ANKS1B: variants seen among roughly 807,000 people sequenced by gnomAD.
The protein encoded by ANKS1B is ankyrin repeat and sterile alpha motif domain containing 1B.
Under a neutral mutation model 148.3 loss-of-function variants are expected in ANKS1B, and 36 were observed. The observed-to-expected ratio is 0.24, with a 90% CI of 0.19 to 0.32. ANKS1B has a LOEUF of 0.32. Ranked by LOEUF, ANKS1B falls within the 10% of genes least tolerant of loss-of-function variation. The pLI is 1.00. For missense variants in ANKS1B, 1,157 were observed against 1,542.6 expected, an observed-to-expected ratio of 0.75 and a Z score of 4.19; for synonymous variants, 542 against 560.8, an observed-to-expected ratio of 0.97 and a Z score of 0.47.
Position 99,318,618 on chromosome 12 carries a change from C to A in ANKS1B, c.1757-71754G>T, listed in dbSNP as rs572866930. ...TAATTTTGTTGATCTTTTCAAAAAA[C>A]CAGCTCCTGGATTCATTGATTTTTT... On this transcript the variant is annotated intron_variant, in intron 12 of 26. Coordinates refer to ENST00000683438, the MANE Select transcript of ANKS1B (RefSeq NM_001352186.2). Among the ~76,000 whole-genome samples the A allele has an allele frequency of 1.4e-4, 22 of 152,206 alleles. 1 individual carries two copies. In the East Asian group the frequency reaches 3.7e-3, roughly 25 times the overall value.
intron 17 of ANKS1B, among the ~76,000 whole-genome samples, chr12:99,033,663 C>CA (rs771304039): frequency 0.039 from 5,437 of 141,176 alleles, 328 homozygotes; most frequent in African/African-American, 0.13. Context: ...GACTCCATCT[C>CA]AAAAAAAAAA....
At chr12:99,605,919 C>T (rs1001772341) in intron 9 of ANKS1B, among the ~76,000 whole-genome samples, 2 of 151,976 alleles carry the variant, frequency 1.3e-5, no homozygotes, top group African/African-American at 4.8e-5. Flanking sequence ...ATGCCAATTT[C>T]CCTAGTGGTT....
intron 9 of ANKS1B, among the ~76,000 whole-genome samples, chr12:99,525,680 T>C (rs2096920253): frequency 6.6e-6 from 1 of 152,186 alleles, no homozygotes; most frequent in Non-Finnish European, 1.5e-5. Context: ...CTTGAATTAC[T>C]ACTGCATTCC....
chr12:99,850,001 G>T (rs1398489996), intron 1 of ANKS1B, among the ~76,000 whole-genome samples: 2 of 152,046 alleles, frequency 1.3e-5, no homozygotes, highest in Middle Eastern at 3.4e-3. Context: ...CTTAATAGCT[G>T]GAATGTGACT....
At chr12:99,548,586 T>C (rs1020523858) in intron 9 of ANKS1B, among the ~76,000 whole-genome samples, 3 of 152,034 alleles carry the variant, frequency 2.0e-5, no homozygotes, top group Admixed American at 6.6e-5. Context: ...AAAATGTAAA[T>C]CTTCTTGGAG....
intron 12 of ANKS1B, among the ~76,000 whole-genome samples, chr12:99,319,494 CCTG>C (rs1188102456): frequency 6.6e-6 from 1 of 152,106 alleles, no homozygotes; most frequent in Non-Finnish European, 1.5e-5. Context: ...GACTGCAACC[CCTG>C]CTTTTTTGTT....
intron 17 of ANKS1B, among the ~76,000 whole-genome samples, chr12:98,935,240 T>C (rs903367361): frequency 6.6e-6 from 1 of 152,228 alleles, no homozygotes; most frequent in African/African-American, 2.4e-5. Flanking sequence ...GAGATGATCA[T>C]ATGATTTTTA....
chr12:99,003,932 C>G (rs144791429), intron 17 of ANKS1B, among the ~76,000 whole-genome samples: 2 of 152,166 alleles, frequency 1.3e-5, no homozygotes, highest in Non-Finnish European at 2.9e-5. Flanking sequence ...GGGGGATGGT[C>G]AAAGGACACA....
rs762985082 is a variant in ANKS1B at position 99,246,681 on chromosome 12, G to A, written c.1940C>T (p.Pro647Leu). The A allele has an allele frequency of 3.7e-6, 6 of 1,613,878 alleles. No homozygotes were observed. The highest frequency in any genetic ancestry group is 1.7e-4 in the Middle Eastern group (1 of 6,060). The change falls in exon 13 of 27, where the codon CCT becomes CTT. Residue 647 changes from proline (P) to leucine (L), a missense_variant. Around this residue, in one of 6 missense-constraint regions of ANKS1B, gnomAD observed 661 missense variants for 642.1 expected, o/e 1.03. Transcript: ENST00000683438. ...ATTTTCTATTGGAGACTGCTTGAAA[G>A]GCAAAGGACTGTTTGCCAAACTGAC... ...DEVSLANSPL[P>L]FKQSPIENNS...
rs529589153 is a variant in ANKS1B, at chr12:99,762,615, G to A, written c.1128+10307C>T. Among the ~76,000 whole-genome samples, 10 of 152,206 alleles carry A rather than the reference G, an allele frequency of 6.6e-5. No homozygotes were observed. In the East Asian group the frequency reaches 1.9e-3, roughly 29 times the overall value. On this transcript the variant is annotated intron_variant, in intron 8 of 26. Coordinates refer to ENST00000683438, the MANE Select transcript of ANKS1B (RefSeq NM_001352186.2). ...CTAGAAAACACCATTCTGGACATAG[G>A]TCTGGGCAAAGATTTCATGATAAAG...
chr12:99,090,386 T>C (rs555319130), intron 15 of ANKS1B, among the ~76,000 whole-genome samples: 1 of 152,128 alleles, frequency 6.6e-6, no homozygotes, highest in South Asian at 2.1e-4. Context: ...TTATTCTTAA[T>C]ATAAACTTGA....
chr12:99,926,751 T>C (rs1468428066), intron 1 of ANKS1B, among the ~76,000 whole-genome samples: 1 of 152,234 alleles, frequency 6.6e-6, no homozygotes, highest in Non-Finnish European at 1.5e-5. Context: ...AAATGACCTC[T>C]TATTAACTCC....
intron 8 of ANKS1B, among the ~76,000 whole-genome samples, chr12:99,714,113 GCCTTT>G (rs2056990273): frequency 6.6e-6 from 1 of 152,072 alleles, no homozygotes; most frequent in Admixed American, 6.5e-5. Context: ...TCCATTCCTT[GCCTTT>G]CCCAGCTTCA....
intron 10 of ANKS1B, among the ~76,000 whole-genome samples, chr12:99,477,783 A>G (rs746939072): frequency 6.6e-6 from 1 of 152,166 alleles, no homozygotes; most frequent in Non-Finnish European, 1.5e-5. Context: ...AGTGCTAGTA[A>G]TAATTATGCC....
In ANKS1B at chr12:99,560,774, G is replaced by A. The variant is rs141136736; in HGVS notation, c.1273-56133C>T. On this transcript the variant is annotated intron_variant, in intron 9 of 26. Transcript: ENST00000683438. ...GGAGGGTCTTGCCTCAGTATTGATGGCTGCTGACTATTCTGGGTGGTGGTT... is the reference window on the plus strand; with the variant it reads ...GGAGGGTCTTGCCTCAGTATTGATGACTGCTGACTATTCTGGGTGGTGGTT... Among the ~76,000 whole-genome samples, 1,466 of 151,656 alleles carry A rather than the reference G, an allele frequency of 9.7e-3. 13 individuals carry two copies. Among genetic ancestry groups the A allele is most frequent in the African/African-American group, 0.034 (1,401 of 41,322 alleles).
chr12:99,490,187 C>G (rs2064352729), intron 10 of ANKS1B, among the ~76,000 whole-genome samples: 1 of 152,124 alleles, frequency 6.6e-6, no homozygotes, highest in Admixed American at 6.5e-5. Context: ...GTTTGTGGAA[C>G]AAATGAATTG....
At chr12:99,386,177 T>C (rs2093851102) in intron 12 of ANKS1B, 1 of 152,224 alleles carries the variant, frequency 6.6e-6, no homozygotes, top group African/African-American at 2.4e-5. Context: ...TAAATGTTGA[T>C]TCTTTGTAGC....
chr12:98,941,907 G>C (rs1365497432), intron 17 of ANKS1B, among the ~76,000 whole-genome samples: 1 of 152,172 alleles, frequency 6.6e-6, no homozygotes, highest in Non-Finnish European at 1.5e-5. Flanking sequence ...AGCCAAAACT[G>C]TCAGTAGAGT....
intron 9 of ANKS1B, among the ~76,000 whole-genome samples, chr12:99,524,910 C>T (rs1186758932): frequency 1.3e-5 from 2 of 152,076 alleles, no homozygotes; most frequent in African/African-American, 4.8e-5. Context: ...AGCTACAGTC[C>T]AAGATGAGAT....
Sources: allele counts gnomAD v4.1 joint callset (sites outside exome capture counted in the v4.1 genomes callset), GRCh38; gene constraint gnomAD v4.1.1; regional missense constraint gnomAD v4.1.1; transcripts MANE v1.5; gene names NCBI Gene and HGNC (gene_info 2026-07-23, HGNC 2026-07-21).